HAPLN1: variants seen among roughly 807,000 people sequenced by gnomAD.
The protein encoded by HAPLN1 is hyaluronan and proteoglycan link protein 1, also known as Cartilage link protein.
Under a neutral mutation model 36.5 loss-of-function variants are expected in HAPLN1, and 13 were observed. The observed-to-expected ratio is 0.36, with a 90% CI of 0.23 to 0.57. The LOEUF is 0.57. HAPLN1 is among the 20% of genes least tolerant of loss of function. The pLI, the probability that HAPLN1 is intolerant of heterozygous loss-of-function variation, is 0.83. For missense variants in HAPLN1, 407 were observed against 439.7 expected (o/e 0.93, Z 0.66); for synonymous variants, 202 against 169.8 (o/e 1.19, Z -1.48).
chr5:83,691,512 T>G (rs1222427920), intron 1 of HAPLN1, among the ~76,000 whole-genome samples: 1 of 151,966 alleles, frequency 6.6e-6, no homozygotes, highest in East Asian at 1.9e-4. Flanking sequence ...TACTCGCTAG[T>G]GGAGGGAAAA....
chr5:83,715,942 T>C (rs1172197699), intron 1 of HAPLN1, among the ~76,000 whole-genome samples: 3 of 152,244 alleles, frequency 2.0e-5, no homozygotes, highest in Non-Finnish European at 4.4e-5. Context: ...TTTGACTTTC[T>C]GATTATTTTA....
chr5:83,649,987 G>GC (rs1750007372), intron 3 of HAPLN1, among the ~76,000 whole-genome samples: 1 of 152,324 alleles, frequency 6.6e-6, no homozygotes, highest in South Asian at 2.1e-4. Flanking sequence ...TACATAAGGT[G>GC]CTATGAGAAC....
intron 1 of HAPLN1, among the ~76,000 whole-genome samples, chr5:83,715,352 G>C (rs898460160): frequency 6.6e-6 from 1 of 152,130 alleles, no homozygotes; most frequent in African/African-American, 2.4e-5. Flanking sequence ...GGGATGCAGG[G>C]GTAGAGAGCA....
At chr5:83,648,923 C>T (rs1189551508) in intron 3 of HAPLN1, among the ~76,000 whole-genome samples, 2 of 152,196 alleles carry the variant, frequency 1.3e-5, no homozygotes, top group Non-Finnish European at 2.9e-5. Flanking sequence ...TCCCAGAATA[C>T]ATGGAGAGTG....
intron 1 of HAPLN1, among the ~76,000 whole-genome samples, chr5:83,717,267 A>G (rs1007190346): frequency 1.4e-4 from 21 of 152,184 alleles, no homozygotes; most frequent in African/African-American, 5.1e-4. Context: ...TGATGATGCT[A>G]ATTCCAAACA....
chr5:83,701,242 G>A (rs1751500427), intron 1 of HAPLN1, among the ~76,000 whole-genome samples: 1 of 152,150 alleles, frequency 6.6e-6, no homozygotes, highest in Non-Finnish European at 1.5e-5. Flanking sequence ...AGAAATAGAC[G>A]TCCCAAATAT....
intron 1 of HAPLN1, among the ~76,000 whole-genome samples, chr5:83,683,223 G>A (rs1020521897): frequency 1.3e-5 from 2 of 152,084 alleles, no homozygotes; most frequent in African/African-American, 2.4e-5. Context: ...CCAGCTCCAC[G>A]TCTCTCTCAC....
intron 1 of HAPLN1, among the ~76,000 whole-genome samples, chr5:83,675,663 T>C (rs1580142482): frequency 6.6e-6 from 1 of 152,210 alleles, no homozygotes; most frequent in African/African-American, 2.4e-5. Context: ...AAGTACTGAC[T>C]ATCCAACAAC....
chr5:83,662,793 C>T (rs1445833935), intron 2 of HAPLN1, among the ~76,000 whole-genome samples: 1 of 152,218 alleles, frequency 6.6e-6, no homozygotes, highest in African/African-American at 2.4e-5. Flanking sequence ...ACCACTTCCA[C>T]TTTGTGGTAA....
At chr5:83,649,687 G>A (rs1482015468) in intron 3 of HAPLN1, among the ~76,000 whole-genome samples, 1 of 152,160 alleles carries the variant, frequency 6.6e-6, no homozygotes, top group Non-Finnish European at 1.5e-5. Flanking sequence ...GACTCCAAGT[G>A]ATCAACCCGC....
chr5:83,662,661 G>T (rs148978794), intron 2 of HAPLN1, among the ~76,000 whole-genome samples: 1 of 152,166 alleles, frequency 6.6e-6, no homozygotes, highest in South Asian at 2.1e-4. Context: ...ATGGGGAAAC[G>T]AAAACATTAG....
At chr5:83,651,541 C>G (rs1418696189) in intron 3 of HAPLN1, among the ~76,000 whole-genome samples, 1 of 53,652 alleles carries the variant, frequency 1.9e-5, no homozygotes, top group East Asian at 3.4e-4. Flanking sequence ...GCAAATAAAT[C>G]TCCATATATG....
rs2242128 is a variant in HAPLN1 at position 83,644,454 on chromosome 5, C to A, written c.684G>T (p.Gly228=). 1.4e-5 allele frequency: 23 copies of A among 1,612,556 alleles called. No homozygotes were observed. In the African/African-American group the frequency reaches 2.8e-4, roughly 20 times the overall value. Residue 228 remains glycine (G), a synonymous_variant, in exon 4 of 5, where the codon GGG becomes GGT. Transcript: ENST00000274341. ...PITKPREPCG[G]QNTVPGVRNY... ...TCCTGACTCCGGGCACTGTGTTCTG[C>A]CCCCCACAGGGCTCTCTGGGCTTTG...
chr5:83,661,506 GC>G (rs1278819919), intron 2 of HAPLN1, among the ~76,000 whole-genome samples: 1 of 138,648 alleles, frequency 7.2e-6, no homozygotes, highest in Non-Finnish European at 1.5e-5. Flanking sequence ...GTGCAGTGGC[GC>G]GATCTCAGCT....
chr5:83,664,180 C>T (rs969525353), intron 2 of HAPLN1, among the ~76,000 whole-genome samples: 4 of 152,098 alleles, frequency 2.6e-5, no homozygotes, highest in African/African-American at 4.8e-5. Flanking sequence ...CTATTCTAAT[C>T]TCAGAGAATT....
chr5:83,686,610 G>T (rs930583236), intron 1 of HAPLN1, among the ~76,000 whole-genome samples: 4 of 152,074 alleles, frequency 2.6e-5, no homozygotes, highest in African/African-American at 9.7e-5. Flanking sequence ...TTTTCATTCT[G>T]CTAATGCTGA....
intron 1 of HAPLN1, among the ~76,000 whole-genome samples, chr5:83,710,126 T>A (rs1050522814): frequency 3.3e-5 from 5 of 152,304 alleles, no homozygotes; most frequent in South Asian, 2.1e-4. Flanking sequence ...ACTGGATAGA[T>A]CTAAAGATGT....
intron 1 of HAPLN1, among the ~76,000 whole-genome samples, chr5:83,697,985 T>C (rs1751430571): frequency 1.3e-5 from 2 of 152,182 alleles, no homozygotes; most frequent in Admixed American, 1.3e-4. Context: ...GGGATGTCTT[T>C]TTATTTTCTT....
intron 1 of HAPLN1, among the ~76,000 whole-genome samples, chr5:83,704,476 C>T (rs776432830): frequency 2.6e-5 from 4 of 152,024 alleles, no homozygotes; most frequent in Non-Finnish European, 5.9e-5. Flanking sequence ...GATTAAAAAG[C>T]AAGACTCAAT....
Sources: allele counts gnomAD v4.1 joint callset (sites outside exome capture counted in the v4.1 genomes callset), GRCh38; gene constraint gnomAD v4.1.1; transcripts MANE v1.5; gene names NCBI Gene and HGNC (gene_info 2026-07-23, HGNC 2026-07-21).